IFT122: variants seen among roughly 807,000 people sequenced by gnomAD.
IFT122 encodes the protein intraflagellar transport protein 122 homolog.
A neutral mutation model predicts 161.6 loss-of-function variants in IFT122; 118 were observed. The observed-to-expected ratio is 0.73, with a 90% CI of 0.63 to 0.85. IFT122 has a LOEUF of 0.85. IFT122 is among the 40% of genes least tolerant of loss of function. The pLI is 0.00. For synonymous variants in IFT122, 550 were observed against 602.4 expected, an observed-to-expected ratio of 0.91 and a Z score of 1.27; for missense variants, 1,381 against 1,579.6, an observed-to-expected ratio of 0.87 and a Z score of 2.13.
At chr3:129,504,272 G>A (rs773116649) in intron 20 of IFT122, 47 bp from the exon 21 acceptor site, 6 of 1,452,980 alleles carry the variant, frequency 4.1e-6, no homozygotes, top group Non-Finnish European at 4.8e-6. Flanking sequence ...TTTTCATGGG[G>A]GCTGCAGGGG....
intron 4 of IFT122, among the ~76,000 whole-genome samples, 158 bp downstream of exon 4, chr3:129,458,835 T>C (rs985172799): frequency 6.6e-6 from 1 of 152,186 alleles, no homozygotes; most frequent in Non-Finnish European, 1.5e-5. Flanking sequence ...GGTTGAGTAG[T>C]GAATAAGTTA....
Position 129,449,641 on chromosome 3 carries a change from G to A in IFT122, c.42-230G>A, listed in dbSNP as rs114963006. ...AATAATTTCTTGTGTCTGGCTTCTG[G>A]ACAAGAGGAAATCAGGACAAAGAGC... On this transcript the variant is annotated intron_variant, in intron 1 of 29. Coordinates refer to ENST00000348417, the MANE Select transcript of IFT122 (RefSeq NM_052989.3). Among the ~76,000 whole-genome samples the A allele has an allele frequency of 4.1e-3, 625 of 152,290 alleles. 2 individuals carry two copies. The highest frequency in any genetic ancestry group is 0.014 in the African/African-American group (568 of 41,572).
chr3:129,473,108 C>G (rs2077535725), intron 9 of IFT122, among the ~76,000 whole-genome samples: 2 of 152,142 alleles, frequency 1.3e-5, no homozygotes, highest in South Asian at 2.1e-4. Context: ...CAAGACTAGC[C>G]TGGGCTACAT....
intron 1 of IFT122, among the ~76,000 whole-genome samples, chr3:129,446,680 C>T (rs79698284): frequency 0.074 from 11,289 of 152,114 alleles, 1,126 homozygotes; most frequent in East Asian, 0.41. Flanking sequence ...TGTGTCAAAC[C>T]GAGCTGCACC....
rs768395548 is a variant in IFT122 at position 129,517,299 on chromosome 3, CACAG to C, written c.3266-168_3266-165del. On this transcript the variant is annotated intron_variant, in intron 26 of 29. Transcript: ENST00000348417. Reference sequence around the variant, plus strand: ...ACACACACACACACACACACACACACACAGAGACTGCTCCTGCACACACATACAG... The same window carrying C: ...ACACACACACACACACACACACACACAGACTGCTCCTGCACACACATACAG... 0.014 allele frequency among the ~76,000 whole-genome samples: 1,821 copies of C among 129,694 alleles called. 18 individuals are homozygous for C. The highest frequency in any genetic ancestry group is 0.024 in the Admixed American group (316 of 13,250). 85.1% of individuals were successfully genotyped at this position (129,694 alleles called of 152,430 possible). A position where few individuals can be genotyped will look rare whatever the true frequency, so the allele number is the denominator to read the frequency against.
chr3:129,477,970 T>C, intron 11 of IFT122, 46 bp from the exon 12 acceptor site: 1 of 1,524,732 alleles, frequency 6.6e-7, no homozygotes, highest in African/African-American at 1.4e-5. Flanking sequence ...CCTTGCACCT[T>C]ACATAACAAC....
At chr3:129,496,202 C>T (rs3806711) in intron 18 of IFT122, among the ~76,000 whole-genome samples, 21,418 of 151,836 alleles carry the variant, frequency 0.14, 3,626 homozygotes, top group East Asian at 0.43. Context: ...TGCATTGGGA[C>T]GGCCCCCATG....
chr3:129,478,287 C>A, intron 12 of IFT122, 69 bp downstream of exon 12: 1 of 1,345,460 alleles, frequency 7.4e-7, no homozygotes, highest in Non-Finnish European at 1.1e-6. Context: ...GATAGGGTGC[C>A]CACCTCATGG....
rs966566823 is a variant in IFT122 at position 129,476,470 on chromosome 3, G to A, written c.972G>A (p.Val324=). 3.1e-6 allele frequency: 5 copies of A among 1,614,026 alleles called. No individual in the cohort carries two copies. The highest frequency in any genetic ancestry group is 1.3e-5 in the African/African-American group (1 of 74,910). Residue 324 remains valine, a synonymous_variant, in exon 10 of 30, where the codon GTG becomes GTA. Coordinates refer to ENST00000348417, the MANE Select transcript of IFT122 (RefSeq NM_052989.3). ...LGTVGEQNSW[V]WTCQAKPDSN... Reference sequence around the variant, plus strand: ...CTGTTGGGGAGCAGAACTCCTGGGTGTGGACGTGTCAAGCGAAACCGGATT... The same window carrying A: ...CTGTTGGGGAGCAGAACTCCTGGGTATGGACGTGTCAAGCGAAACCGGATT...
chr3:129,448,809 A>G (rs139760685), intron 1 of IFT122, among the ~76,000 whole-genome samples: 1 of 151,844 alleles, frequency 6.6e-6, no homozygotes, highest in Admixed American at 6.6e-5. Context: ...CTCCTGCCTC[A>G]GCCTCTCGAG....
chr3:129,483,624 A>G lies in IFT122; in HGVS notation c.1793A>G (p.Asn598Ser), dbSNP rs139145049. ...CTGCAGGGCTTTGTGGTCGGCTACAATGGCTCCAAGATCTTCTGCCTCCAT... is the reference window on the plus strand; with the variant it reads ...CTGCAGGGCTTTGTGGTCGGCTACAGTGGCTCCAAGATCTTCTGCCTCCAT... Reference protein sequence around the residue: ...QKLQGFVVGYNGSKIFCLHVF... With the variant: ...QKLQGFVVGYSGSKIFCLHVF... Residue 598 changes from asparagine (N) to serine (S), a missense_variant, in exon 15 of 30, where the codon AAT becomes AGT. Transcript: ENST00000348417. 46 of 1,613,412 alleles carry G rather than the reference A, an allele frequency of 2.9e-5. No homozygotes were observed. The highest frequency in any genetic ancestry group is 2.0e-4 in the African/African-American group (15 of 74,996).
At chr3:129,507,548 T>G in intron 22 of IFT122, 120 bp from the exon 23 acceptor site, 1 of 821,452 alleles carries the variant, frequency 1.2e-6, no homozygotes, top group African/African-American at 1.7e-5. Flanking sequence ...GCACAGACAC[T>G]GTGTGGTGGG....
At chr3:129,505,343 C>G (rs917058188) in intron 21 of IFT122, among the ~76,000 whole-genome samples, 2 of 152,198 alleles carry the variant, frequency 1.3e-5, no homozygotes, top group African/African-American at 4.8e-5. Context: ...ATATGGTAAC[C>G]GTTGCCCTCT....
chr3:129,507,871 T>G, intron 23 of IFT122, 109 bp downstream of exon 23: 1 of 849,412 alleles, frequency 1.2e-6, no homozygotes, highest in Non-Finnish European at 2.0e-6. Context: ...CTGGTCACAG[T>G]GAACTGCTGA....
intron 3 of IFT122, chr3:129,456,302 A>G (rs1472977820): frequency 4.9e-6 from 6 of 1,223,640 alleles, no homozygotes; most frequent in Non-Finnish European, 6.3e-6. Flanking sequence ...TATTTGCAGC[A>G]ATATCATATG....
chr3:129,470,729 T>C (rs2077282437), intron 9 of IFT122, among the ~76,000 whole-genome samples: 2 of 152,020 alleles, frequency 1.3e-5, no homozygotes, highest in African/African-American at 4.8e-5. Flanking sequence ...TGCCACCATG[T>C]CCGGCTAATT....
At chr3:129,464,874 C>G (rs2076546795) in intron 7 of IFT122, 93 bp downstream of exon 7, 8 of 1,385,110 alleles carry the variant, frequency 5.8e-6, no homozygotes, top group Non-Finnish European at 8.2e-6. Context: ...AAAGGCTTCT[C>G]ACCTCACTTG....
At chr3:129,453,510 G>A (rs575822569) in intron 3 of IFT122, among the ~76,000 whole-genome samples, 2 of 152,310 alleles carry the variant, frequency 1.3e-5, no homozygotes, top group South Asian at 4.1e-4. Flanking sequence ...GTGTGATTGT[G>A]TCTTTTTCTC....
At chr3:129,466,495 CTTTTTTT>C (rs527470540) in intron 7 of IFT122, among the ~76,000 whole-genome samples, 15 of 102,180 alleles carry the variant, frequency 1.5e-4, no homozygotes, top group Admixed American at 2.4e-4. Context: ...TATTTTTATT[CTTTTTTT>C]TTTTTTTTTT....
Sources: allele counts gnomAD v4.1 joint callset (sites outside exome capture counted in the v4.1 genomes callset), GRCh38; gene constraint gnomAD v4.1.1; transcripts MANE v1.5; gene names NCBI Gene and HGNC (gene_info 2026-07-23, HGNC 2026-07-21).